RELN: variants seen among roughly 807,000 people sequenced by gnomAD.
RELN encodes reelin.
A neutral mutation model predicts 427.6 loss-of-function variants in RELN; 108 were observed. The ratio of observed to expected loss-of-function variants is 0.25; its 90% CI spans 0.22 to 0.30. RELN has a LOEUF of 0.30. Among genes scored for constraint, RELN ranks in the 10% least tolerant of loss-of-function variants. The pLI is 1.00. For missense variants in RELN, 3,715 were observed against 4,302.8 expected (o/e 0.86, Z 3.82); for synonymous variants, 1,524 against 1,513.4 (o/e 1.01, Z -0.16).
intron 1 of RELN, among the ~76,000 whole-genome samples, chr7:103,964,704 G>A (rs1026721280): frequency 3.3e-5 from 5 of 152,100 alleles, no homozygotes; most frequent in Admixed American, 1.3e-4. Flanking sequence ...AACTTCTGTC[G>A]TTCATTCATG....
chr7:103,970,682 G>A (rs1370961889), intron 1 of RELN, among the ~76,000 whole-genome samples: 1 of 152,022 alleles, frequency 6.6e-6, no homozygotes, highest in Non-Finnish European at 1.5e-5. Context: ...TAGTTAATAA[G>A]GTGTCTTTAA....
intron 3 of RELN, among the ~76,000 whole-genome samples, chr7:103,816,556 C>CACAT (rs1369484817): frequency 1.4e-4 from 22 of 151,856 alleles, no homozygotes; most frequent in African/African-American, 5.1e-4. Context: ...CACACACACA[C>CACAT]ACACACACAC....
chr7:103,543,595 G>A (rs1484127988), intron 42 of RELN, among the ~76,000 whole-genome samples: 7 of 152,054 alleles, frequency 4.6e-5, no homozygotes, highest in East Asian at 3.9e-4. Flanking sequence ...GCAGTTAGCC[G>A]AAGATTGTGC....
chr7:103,895,515 T>C (rs1341465924), intron 2 of RELN, among the ~76,000 whole-genome samples: 1 of 152,072 alleles, frequency 6.6e-6, no homozygotes, highest in African/African-American at 2.4e-5. Context: ...GCAATTTCAG[T>C]CATTTATAAA....
intron 1 of RELN, among the ~76,000 whole-genome samples, chr7:103,948,878 G>A (rs1401591213): frequency 4.0e-5 from 6 of 151,668 alleles, no homozygotes; most frequent in Admixed American, 2.6e-4. Flanking sequence ...AGCCAGGCGT[G>A]GTGGTGCATG....
At chr7:103,610,952 T>C in intron 21 of RELN, 145 bp from the exon 22 acceptor site, 1 of 675,700 alleles carries the variant, frequency 1.5e-6, no homozygotes, top group Non-Finnish European at 2.7e-6. Flanking sequence ...CAATCCATGA[T>C]TTTTCTTTCC....
chr7:103,681,001 C>A (rs1019817395), intron 11 of RELN, among the ~76,000 whole-genome samples: 10 of 152,108 alleles, frequency 6.6e-5, no homozygotes. Flanking sequence ...GCTGGGTCAA[C>A]TGCAGTAGAA....
intron 51 of RELN, among the ~76,000 whole-genome samples, chr7:103,506,905 C>T (rs1829233535): frequency 1.3e-5 from 2 of 152,178 alleles, no homozygotes; most frequent in African/African-American, 4.8e-5. Context: ...ATAAAACAGA[C>T]TTTAAACCAA....
chr7:103,699,396 T>C (rs1834044637), intron 9 of RELN, among the ~76,000 whole-genome samples: 1 of 152,130 alleles, frequency 6.6e-6, no homozygotes, highest in Non-Finnish European at 1.5e-5. Context: ...GAATTGAAAT[T>C]GATGAAGAGA....
chr7:103,734,911 G>A (rs1206324512), intron 6 of RELN, among the ~76,000 whole-genome samples: 1 of 152,028 alleles, frequency 6.6e-6, no homozygotes, highest in Non-Finnish European at 1.5e-5. Context: ...TGATAAAAAT[G>A]TACAAAAAGT....
chr7:103,854,767 C>T (rs539273681), intron 2 of RELN, among the ~76,000 whole-genome samples: 1 of 152,192 alleles, frequency 6.6e-6, no homozygotes, highest in Non-Finnish European at 1.5e-5. Context: ...AACACATCCA[C>T]CTGAACTTGG....
chr7:103,759,424 T>C (rs1046811363), intron 4 of RELN, among the ~76,000 whole-genome samples: 2 of 152,132 alleles, frequency 1.3e-5, no homozygotes, highest in Non-Finnish European at 2.9e-5. Context: ...TCTTGGTCTC[T>C]TTAAACAAGG....
chr7:103,857,054 A>G (rs1038019096), intron 2 of RELN, among the ~76,000 whole-genome samples: 2 of 152,124 alleles, frequency 1.3e-5, no homozygotes, highest in Non-Finnish European at 2.9e-5. Context: ...ATTAGTAAAA[A>G]CTATCCTAGT....
intron 3 of RELN, among the ~76,000 whole-genome samples, chr7:103,787,810 G>C (rs1182674528): frequency 6.6e-6 from 1 of 152,178 alleles, no homozygotes; most frequent in Non-Finnish European, 1.5e-5. Flanking sequence ...CAGAAAAAGA[G>C]GGAATCCTCC....
At chr7:103,792,256 A>T (rs1792182928) in intron 3 of RELN, among the ~76,000 whole-genome samples, 1 of 152,186 alleles carries the variant, frequency 6.6e-6, no homozygotes, top group Admixed American at 6.5e-5. Flanking sequence ...ACAGAGAAAA[A>T]AATGTATACA....
chr7:103,753,069 A>G (rs1791047109), intron 5 of RELN, 113 bp downstream of exon 5: 2 of 1,037,226 alleles, frequency 1.9e-6, no homozygotes, highest in East Asian at 2.4e-5. Context: ...TGACTGATCA[A>G]TGATCAGAGA....
At chr7:103,630,854 T>TG (rs1554394439) in intron 19 of RELN, among the ~76,000 whole-genome samples, 14,851 of 108,782 alleles carry the variant, frequency 0.14, 866 homozygotes, top group South Asian at 0.21. Flanking sequence ...TTTTTTTGTT[T>TG]TTTTTGTTTT....
At chr7:103,975,515 G>GTATTTATTTATTTATTTATT (rs1554451147) in intron 1 of RELN, among the ~76,000 whole-genome samples, 63 of 141,880 alleles carry the variant, frequency 4.4e-4, no homozygotes, top group Middle Eastern at 3.5e-3. Context: ...GAATGGAGCA[G>GTATTTATTTATTTATTTATT]TATTTATTTA....
At chr7:103,833,468 A>C (rs994708978) in intron 3 of RELN, 69 bp downstream of exon 3, 16 of 1,318,370 alleles carry the variant, frequency 1.2e-5, no homozygotes, top group Non-Finnish European at 1.5e-5. Flanking sequence ...TAGTTACTCT[A>C]TATGTAATCC....
Sources: allele counts gnomAD v4.1 joint callset (sites outside exome capture counted in the v4.1 genomes callset), GRCh38; gene constraint gnomAD v4.1.1; transcripts MANE v1.5; gene names NCBI Gene and HGNC (gene_info 2026-07-23, HGNC 2026-07-21).